PADI6: variants seen among roughly 807,000 people sequenced by gnomAD.
PADI6 encodes the protein peptidyl arginine deiminase 6, also known as inactive protein-arginine deiminase type-6.
In PADI6, 66 loss-of-function variants were observed where a neutral mutation model predicts 78.2. The observed-to-expected ratio is 0.84, with a 90% CI of 0.69 to 1.04. PADI6 has a LOEUF of 1.04. Ranked by LOEUF, PADI6 falls within the 50% of genes least tolerant of loss-of-function variation. PADI6 has a pLI of 0.00. For synonymous variants in PADI6, 397 were observed against 346.9 expected (o/e 1.14, Z -1.60); for missense variants, 854 against 866.1 (o/e 0.99, Z 0.18).
In PADI6 at chr1:17,375,432, G is replaced by A. The variant is rs748873716; in HGVS notation, c.300G>A (p.Ser100=). The stretch of plus-strand genomic sequence containing the variant: ...TCGGGATGCTGTCTCCACAGGTCTC[G>A]GTCACATACTATGGGCCCAACGAGG... ...PSPSVDADKV[S]VTYYGPNEDA... is the part of the protein sequence containing the mutation. The change falls in exon 3 of 16, where the codon TCG becomes TCA. Residue 100 remains serine, a synonymous_variant. Coordinates refer to ENST00000619609, the MANE Select transcript of PADI6 (RefSeq NM_207421.4). 9.3e-6 allele frequency: 15 copies of A among 1,610,908 alleles called. No homozygotes were observed. Among genetic ancestry groups the A allele is most frequent in the African/African-American group, 2.7e-5 (2 of 74,978 alleles).
intron 7 of PADI6, 64 bp from the exon 8 acceptor site, chr1:17,388,713 T>TG: frequency 2.0e-6 from 3 of 1,538,066 alleles, no homozygotes; most frequent in Non-Finnish European, 2.7e-6. Flanking sequence ...GCCGGAACCC[T>TG]GGGGTAAGAG....
At chr1:17,386,723 G>T (rs1184772358) in intron 6 of PADI6, among the ~76,000 whole-genome samples, 2 of 152,212 alleles carry the variant, frequency 1.3e-5, no homozygotes, top group Non-Finnish European at 2.9e-5. Flanking sequence ...GACTGAGGCT[G>T]GGCCTGTAAC....
intron 15 of PADI6, among the ~76,000 whole-genome samples, chr1:17,400,534 T>A (rs574049931): frequency 6.6e-6 from 1 of 152,192 alleles, no homozygotes; most frequent in Admixed American, 6.5e-5. Context: ...TTTTGTTTTT[T>A]AAATTCTGTT....
chr1:17,389,591 T>C (rs951241735), intron 8 of PADI6, among the ~76,000 whole-genome samples: 3 of 152,206 alleles, frequency 2.0e-5, no homozygotes, highest in African/African-American at 7.2e-5. Flanking sequence ...GCCAAAATCC[T>C]GAACACGCAC....
At chr1:17,396,979 C>G (rs1003141370) in intron 13 of PADI6, 92 bp from the exon 14 acceptor site, 2 of 1,232,390 alleles carry the variant, frequency 1.6e-6, no homozygotes, top group Non-Finnish European at 2.3e-6. Context: ...CAGGAATGCA[C>G]CCAGGTGGCT....
chr1:17,395,449 C>T, intron 12 of PADI6, 91 bp from the exon 13 acceptor site: 1 of 1,468,936 alleles, frequency 6.8e-7, no homozygotes. Flanking sequence ...GAGGATCTGC[C>T]TGCCTCGGCC....
intron 6 of PADI6, among the ~76,000 whole-genome samples, chr1:17,384,664 G>A (rs1022806540): frequency 5.3e-5 from 8 of 152,098 alleles, no homozygotes; most frequent in East Asian, 1.9e-4. Flanking sequence ...ATGTGAACCC[G>A]GGAGGCAGAG....
intron 4 of PADI6, 52 bp downstream of exon 4, chr1:17,380,039 G>A: frequency 1.3e-6 from 2 of 1,566,262 alleles, no homozygotes; most frequent in South Asian, 2.2e-5. Flanking sequence ...AGCCAAATCT[G>A]CCCACAGGCT....
intron 3 of PADI6, among the ~76,000 whole-genome samples, chr1:17,378,606 G>T (rs974102468): frequency 2.0e-5 from 3 of 152,014 alleles, no homozygotes. Flanking sequence ...GTGTTTTTTT[G>T]TTTGTTTTTG....
intron 6 of PADI6, among the ~76,000 whole-genome samples, chr1:17,382,572 A>G (rs1225673895): frequency 3.3e-5 from 5 of 152,116 alleles, no homozygotes; most frequent in Admixed American, 1.3e-4. Context: ...TCCACCACCC[A>G]TCTTCAGCCC....
At chr1:17,378,212 G>C (rs1310487064) in intron 3 of PADI6, among the ~76,000 whole-genome samples, 1 of 152,054 alleles carries the variant, frequency 6.6e-6, no homozygotes, top group Admixed American at 6.6e-5. Flanking sequence ...ATATCCCTCA[G>C]TGCTTATTGC....
rs574973030 is a variant in PADI6, at chr1:17,393,809, G to A, written c.1075-166G>A. On this transcript the variant is annotated intron_variant, in intron 9 of 15. Transcript: ENST00000619609. ...CAAGTCTTAAACCTGAAGAGTAGGG[G>A]AGAGAGGGATCGGAGAGCCTTCAAG... Among the ~76,000 whole-genome samples the A allele has an allele frequency of 2.6e-5, 4 of 152,272 alleles. No individual in the cohort carries two copies. In the East Asian group the frequency reaches 7.7e-4, roughly 29 times the overall value.
intron 6 of PADI6, among the ~76,000 whole-genome samples, chr1:17,385,479 G>A (rs949713511): frequency 6.6e-6 from 1 of 152,142 alleles, no homozygotes; most frequent in African/African-American, 2.4e-5. Context: ...TGAGGTTGGG[G>A]ACTCGCTGGG....
chr1:17,380,038 T>A (rs2075057720), intron 4 of PADI6, 51 bp downstream of exon 4: 3 of 1,571,524 alleles, frequency 1.9e-6, no homozygotes, highest in Non-Finnish European at 2.6e-6. Context: ...AAGCCAAATC[T>A]GCCCACAGGC....
At position 17,397,149 on chromosome 1, in the gene PADI6, C is replaced by A. The variant is rs2075255048; in HGVS notation, c.1689+8C>A. The A allele has an allele frequency of 1.9e-6, 3 of 1,613,456 alleles. No homozygotes were observed. The highest frequency in any genetic ancestry group is 2.5e-6 in the Non-Finnish European group (3 of 1,179,710). ...CAGAATGAATACGTGGAGGTAGGAC[C>A]AGTGTGAAGGGGGCCATCCCCAAGA... On this transcript the variant is annotated splice_region_variant and intron_variant, in intron 14 of 15. Coordinates refer to ENST00000619609, the MANE Select transcript of PADI6 (RefSeq NM_207421.4).
chr1:17,399,505 G>GA (rs1404029967), intron 15 of PADI6, among the ~76,000 whole-genome samples: 1 of 152,108 alleles, frequency 6.6e-6, no homozygotes, highest in Non-Finnish European at 1.5e-5. Flanking sequence ...AGAGACAGGA[G>GA]AATTGCTTGA....
chr1:17,388,324 A>G (rs1303539927), intron 6 of PADI6, 57 bp from the exon 7 acceptor site: 8 of 1,472,838 alleles, frequency 5.4e-6, no homozygotes, highest in Non-Finnish European at 7.4e-6. Context: ...TTGACCATCA[A>G]ATGTGACCGG....
rs116248830 is a variant in PADI6, at chr1:17,375,177, G to A, written c.295-250G>A. 5.9e-5 allele frequency among the ~76,000 whole-genome samples: 9 copies of A among 152,124 alleles called. No individual in the cohort carries two copies. In the East Asian group the frequency reaches 9.6e-4, roughly 16 times the overall value. On this transcript the variant is annotated intron_variant, in intron 2 of 15. Coordinates refer to ENST00000619609, the MANE Select transcript of PADI6 (RefSeq NM_207421.4). ...CCGCCATCAGGGATACAGCTCTCAC[G>A]TGGACAGGTGGTTTCAAGCCTGGCT...
rs114841763 is a variant in PADI6, at chr1:17,393,969, T to C, written c.1075-6T>C. 201 of 1,612,434 alleles carry C rather than the reference T, an allele frequency of 1.2e-4. No individual in the cohort carries two copies. The African/African-American group carries it at 2.5e-3, about 20-fold the overall frequency. On this transcript the variant is annotated splice_polypyrimidine_tract_variant and splice_region_variant and intron_variant, in intron 9 of 15. Transcript: ENST00000619609. ...GGCAAACAATCTGTCTTCCTCTCCA[T>C]TCCAGGATGAGATGGCCTTCTGCTA...
Sources: allele counts gnomAD v4.1 joint callset (sites outside exome capture counted in the v4.1 genomes callset), GRCh38; gene constraint gnomAD v4.1.1; transcripts MANE v1.5; gene names NCBI Gene and HGNC (gene_info 2026-07-23, HGNC 2026-07-21).